Variants in MTDH observed in about 807,000 individuals in gnomAD.
MTDH encodes the protein metadherin.
MTDH carries 34 observed loss-of-function variants against 72.7 expected under a neutral mutation model. The observed-to-expected ratio is 0.47, with a 90% confidence interval of 0.36 to 0.62. The LOEUF is 0.62. Ranked by LOEUF, MTDH falls within the 20% of genes least tolerant of loss-of-function variation. The probability of loss-of-function intolerance (pLI) is 0.00; values close to 1 mark genes in which losing one functional copy is unlikely to be tolerated. For synonymous variants in MTDH, 266 were observed against 268.9 expected, an observed-to-expected ratio of 0.99 and a Z score of 0.10; for missense variants, 677 against 699.4, an observed-to-expected ratio of 0.97 and a Z score of 0.36.
chr8:97,701,173 T>TA (rs1814107431), intron 7 of MTDH, among the ~76,000 whole-genome samples: 1 of 152,112 alleles, frequency 6.6e-6, no homozygotes, highest in Middle Eastern at 3.2e-3. Context: ...TTTAATGAGA[T>TA]AATGGGTGAA....
rs191305629 is a variant in MTDH, at chr8:97,649,788, A to G, written c.381+4901A>G. 3.3e-5 allele frequency among the ~76,000 whole-genome samples: 5 copies of G among 152,116 alleles called. No homozygotes were observed. In the East Asian group the frequency reaches 9.7e-4, roughly 29 times the overall value. ...CTGGTTATTTTTGTACTTTTTGTAG[A>G]GATGGAGTTTCACCATGTTGCCCAC... On this transcript the variant is annotated intron_variant, in intron 1 of 11. Transcript: ENST00000336273.
chr8:97,719,395 A>T (rs1204333904), intron 10 of MTDH, among the ~76,000 whole-genome samples: 1 of 149,716 alleles, frequency 6.7e-6, no homozygotes, highest in Non-Finnish European at 1.5e-5. Context: ...TAGGAGGCTG[A>T]GGCAGGAGAA....
chr8:97,651,491 C>T (rs1018054384), intron 1 of MTDH, among the ~76,000 whole-genome samples: 1 of 152,090 alleles, frequency 6.6e-6, no homozygotes, highest in Non-Finnish European at 1.5e-5. Context: ...TACTTATTTA[C>T]AGTGATGAGA....
chr8:97,675,937 AG>A (rs1295713660), intron 2 of MTDH, among the ~76,000 whole-genome samples: 1 of 90,832 alleles, frequency 1.1e-5, no homozygotes. Context: ...AGTTGCAAAT[AG>A]GTTTTTTTTT....
At chr8:97,697,670 C>G (rs1210887028) in intron 6 of MTDH, among the ~76,000 whole-genome samples, 1 of 152,096 alleles carries the variant, frequency 6.6e-6, no homozygotes, top group Non-Finnish European at 1.5e-5. Flanking sequence ...CAGGCATGAG[C>G]CACCGCACCT....
intron 6 of MTDH, among the ~76,000 whole-genome samples, chr8:97,692,179 G>C (rs1813636351): frequency 6.6e-6 from 1 of 151,422 alleles, no homozygotes; most frequent in African/African-American, 2.5e-5. Flanking sequence ...ATCGCACCCG[G>C]CCTATAGTTT....
chr8:97,701,051 C>T (rs537188854), intron 7 of MTDH, among the ~76,000 whole-genome samples: 1 of 152,204 alleles, frequency 6.6e-6, no homozygotes, highest in East Asian at 1.9e-4. Flanking sequence ...ATTTTAGTCC[C>T]GACTCTAAAA....
intron 7 of MTDH, among the ~76,000 whole-genome samples, chr8:97,700,723 GA>G (rs1275201926): frequency 1.3e-5 from 2 of 152,212 alleles, no homozygotes; most frequent in Non-Finnish European, 2.9e-5. Context: ...CTTTCCAGAT[GA>G]AAAAGTTGTG....
intron 3 of MTDH, 45 bp from the exon 4 acceptor site, chr8:97,687,384 G>T (rs1404894605): frequency 1.3e-6 from 2 of 1,498,556 alleles, no homozygotes; most frequent in African/African-American, 2.8e-5. Flanking sequence ...TAACTTTTTT[G>T]TCTTCCCCTT....
Position 97,689,092 on chromosome 8 carries a change from C to A in MTDH, c.800C>A (p.Ser267Tyr). ...VSNFKSGKGD[S>Y]TLQVSSGLNE... ...AACTTTAAATCTGGAAAAGGAGATT[C>A]TACACTTCAGGGTGAGAGAAATTAC... The change falls in exon 5 of 12, where the codon TCT becomes TAT. Residue 267 changes from serine to tyrosine, a missense_variant. Coordinates refer to ENST00000336273, the MANE Select transcript of MTDH (RefSeq NM_178812.4). 6.3e-7 allele frequency: 1 copy of A among 1,579,588 alleles called. No individual in the cohort carries two copies. The highest frequency in any genetic ancestry group is 8.7e-7 in the Non-Finnish European group (1 of 1,156,052).
Position 97,727,046 on chromosome 8 carries a change from A to G in MTDH, c.*2376A>G, listed in dbSNP as rs1229168863. 2 of 151,734 alleles carry G rather than the reference A, an allele frequency of 1.3e-5. No homozygotes were observed. Among genetic ancestry groups the G allele is most frequent in the African/African-American group, 4.8e-5 (2 of 41,270 alleles). 9.4% of individuals were successfully genotyped at this position (151,734 alleles called of 1,614,324 possible). A position where few individuals can be genotyped will look rare whatever the true frequency, so the allele number is the denominator to read the frequency against. On this transcript the variant is annotated 3_prime_UTR_variant, in exon 12 of 12. Transcript: ENST00000336273. ...AGCCAAGATCGTGCCACTGCACTCC[A>G]GCCTGGGCAACAGAAGGAGACTCCG...
intron 6 of MTDH, among the ~76,000 whole-genome samples, chr8:97,693,702 G>T (rs1813711225): frequency 6.6e-6 from 1 of 151,892 alleles, no homozygotes; most frequent in Non-Finnish European, 1.5e-5. Context: ...AGCTCTTCAT[G>T]TTTTTTTGTT....
At chr8:97,659,692 G>A (rs1187212004) in intron 1 of MTDH, among the ~76,000 whole-genome samples, 1 of 152,172 alleles carries the variant, frequency 6.6e-6, no homozygotes, top group Non-Finnish European at 1.5e-5. Flanking sequence ...TGTAAGAACT[G>A]AAAATAAAGC....
In MTDH at chr8:97,668,104, G is replaced by A. The variant is rs560384956; in HGVS notation, c.483+6931G>A. ...AGATCAAGACCATCCTGGCTAACAC[G>A]GTGAAACCCCGTCTCTACTGAAAAT... On this transcript the variant is annotated intron_variant, in intron 2 of 11. Transcript: ENST00000336273. 6.6e-5 allele frequency among the ~76,000 whole-genome samples: 10 copies of A among 152,048 alleles called. No individual in the cohort carries two copies. In the East Asian group the frequency reaches 1.5e-3, roughly 24 times the overall value.
intron 2 of MTDH, among the ~76,000 whole-genome samples, chr8:97,684,445 A>G (rs971077105): frequency 3.9e-5 from 6 of 152,192 alleles, no homozygotes; most frequent in African/African-American, 1.4e-4. Flanking sequence ...ATCCAGACAG[A>G]TGCCTGTTTT....
At chr8:97,646,663 C>T (rs1383971688) in intron 1 of MTDH, among the ~76,000 whole-genome samples, 1 of 152,098 alleles carries the variant, frequency 6.6e-6, no homozygotes, top group Non-Finnish European at 1.5e-5. Flanking sequence ...CAGATTCCGG[C>T]GAATGCTTAT....
intron 6 of MTDH, chr8:97,696,230 A>T (rs1223817217): frequency 4.1e-6 from 4 of 985,216 alleles, no homozygotes; most frequent in Non-Finnish European, 4.8e-6. Context: ...GGATAGGGGA[A>T]TGAATACCTC....
At chr8:97,673,188 T>A (rs1055587582) in intron 2 of MTDH, among the ~76,000 whole-genome samples, 1 of 152,136 alleles carries the variant, frequency 6.6e-6, no homozygotes, top group African/African-American at 2.4e-5. Context: ...ACTAAAAATA[T>A]AAGCATATTC....
At chr8:97,703,349 C>A (rs1470285158) in intron 7 of MTDH, among the ~76,000 whole-genome samples, 1 of 152,154 alleles carries the variant, frequency 6.6e-6, no homozygotes, top group Non-Finnish European at 1.5e-5. Context: ...TAGAGCGAGA[C>A]CCTGTCATAA....
Sources: allele counts gnomAD v4.1 joint callset (sites outside exome capture counted in the v4.1 genomes callset), GRCh38; gene constraint gnomAD v4.1.1; transcripts MANE v1.5; gene names NCBI Gene and HGNC (gene_info 2026-07-23, HGNC 2026-07-21).